Variants in RAPGEF2 observed in about 807,000 individuals in gnomAD.
The protein encoded by RAPGEF2 is Rap guanine nucleotide exchange factor 2.
Under a neutral mutation model 186.7 loss-of-function variants are expected in RAPGEF2, and 54 were observed. That is an observed-to-expected ratio of 0.29 (90% CI 0.23 to 0.36). RAPGEF2 has a LOEUF of 0.36. Among genes scored for constraint, RAPGEF2 ranks in the 10% least tolerant of loss-of-function variants. The pLI is 1.00. For missense variants in RAPGEF2, 1,532 were observed against 2,045.0 expected, an observed-to-expected ratio of 0.75 and a Z score of 4.84; for synonymous variants, 712 against 705.9, an observed-to-expected ratio of 1.01 and a Z score of -0.14.
At chr4:159,250,731 C>G (rs565381698) in intron 7 of RAPGEF2, among the ~76,000 whole-genome samples, 4 of 141,846 alleles carry the variant, frequency 2.8e-5, no homozygotes, top group Non-Finnish European at 6.0e-5. Flanking sequence ...AGTGCAGTGG[C>G]GTCATCTTGG....
intron 5 of RAPGEF2, among the ~76,000 whole-genome samples, chr4:159,240,807 GTTT>G (rs373635263): frequency 0.069 from 9,163 of 132,912 alleles, 660 homozygotes; most frequent in African/African-American, 0.24. Context: ...TTCCATCAGG[GTTT>G]TTTTTTTTTT....
At chr4:159,299,788 T>C (rs551733248) in intron 7 of RAPGEF2, among the ~76,000 whole-genome samples, 51 of 152,194 alleles carry the variant, frequency 3.4e-4, no homozygotes, top group African/African-American at 1.2e-3. Flanking sequence ...TCAGTGATTA[T>C]CAAATTCCTA....
rs75335016 is a variant in RAPGEF2, at chr4:159,252,747, G to C, written c.543+8956G>C. 5.4e-3 allele frequency among the ~76,000 whole-genome samples: 830 copies of C among 152,308 alleles called. 7 individuals are homozygous for C. Among genetic ancestry groups the C allele is most frequent in the Non-Finnish European group, 9.0e-3 (610 of 68,028 alleles). ...GCATTCTTTCACATCAGCTAAGAGA[G>C]GCCGATTGTTTTCTAGTTGCAGCAG... On this transcript the variant is annotated intron_variant, in intron 7 of 29. Coordinates refer to ENST00000691494, the MANE Select transcript of RAPGEF2 (RefSeq NM_001394067.2).
chr4:159,343,969 TG>T (rs1729912748), intron 22 of RAPGEF2, 66 bp from the exon 23 acceptor site: 2 of 1,488,548 alleles, frequency 1.3e-6, no homozygotes, highest in Non-Finnish European at 1.9e-6. Context: ...CCTTTCTTTC[TG>T]AGCTTGTGAT....
At chr4:159,280,363 A>G (rs367614389) in intron 7 of RAPGEF2, among the ~76,000 whole-genome samples, 1 of 152,366 alleles carries the variant, frequency 6.6e-6, no homozygotes. Flanking sequence ...GTATTAAGAT[A>G]TATTTTAACC....
intron 1 of RAPGEF2, among the ~76,000 whole-genome samples, chr4:159,159,170 A>C (rs1389511876): frequency 1.3e-5 from 2 of 152,162 alleles, no homozygotes; most frequent in Admixed American, 6.6e-5. Context: ...TGTGGTTTGC[A>C]GCGCCCGTCC....
chr4:159,161,477 G>C (rs1326763236), intron 1 of RAPGEF2, among the ~76,000 whole-genome samples: 1 of 152,218 alleles, frequency 6.6e-6, no homozygotes, highest in Non-Finnish European at 1.5e-5. Context: ...GGCCAAGGCA[G>C]GTGGATTGCC....
intron 28 of RAPGEF2, among the ~76,000 whole-genome samples, chr4:159,355,571 A>G (rs943884962): frequency 2.0e-5 from 3 of 152,176 alleles, no homozygotes; most frequent in Non-Finnish European, 4.4e-5. Context: ...GTTACAGACC[A>G]TTTTAAATGG....
intron 7 of RAPGEF2, among the ~76,000 whole-genome samples, chr4:159,295,601 A>G (rs984701170): frequency 6.6e-6 from 1 of 152,118 alleles, no homozygotes. Context: ...AAACATTTTC[A>G]ATGACACTTT....
intron 1 of RAPGEF2, among the ~76,000 whole-genome samples, chr4:159,181,575 CTTTTT>C (rs531646826): frequency 9.9e-5 from 12 of 121,368 alleles, no homozygotes; most frequent in Admixed American, 8.3e-5. Flanking sequence ...GGAAGACAGT[CTTTTT>C]TTTTTTTTTT....
chr4:159,341,552 T>C lies in RAPGEF2; in HGVS notation c.2535-12T>C. On this transcript the variant is annotated splice_polypyrimidine_tract_variant and intron_variant, in intron 19 of 29. Transcript: ENST00000691494. ...TTAGGCTTTGACTCTGATATGTTTC[T>C]GTTTTTCATAGGTATTATCTGAAAA... 3.8e-6 allele frequency: 6 copies of C among 1,564,100 alleles called. No individual in the cohort carries two copies. The highest frequency in any genetic ancestry group is 5.2e-6 in the Non-Finnish European group (6 of 1,159,706).
intron 1 of RAPGEF2, among the ~76,000 whole-genome samples, chr4:159,147,226 C>CA (rs769915618): frequency 6.6e-6 from 1 of 151,862 alleles, no homozygotes; most frequent in Non-Finnish European, 1.5e-5. Flanking sequence ...TTAAAAAACA[C>CA]AAAGAATTTT....
At chr4:159,284,536 G>A (rs910606830) in intron 7 of RAPGEF2, among the ~76,000 whole-genome samples, 9 of 127,856 alleles carry the variant, frequency 7.0e-5, no homozygotes, top group East Asian at 2.5e-4. Flanking sequence ...ACACACACAC[G>A]AATTGTAAAT....
chr4:159,310,642 TATCACTA>T (rs145867315), intron 8 of RAPGEF2, among the ~76,000 whole-genome samples: 29,036 of 151,952 alleles, frequency 0.19, 2,882 homozygotes, highest in Admixed American at 0.25. Context: ...TTTAAAAGAA[TATCACTA>T]TTTAAATATT....
In RAPGEF2 at chr4:159,320,434, A is replaced by G. The variant is rs1383499461; in HGVS notation, c.854-1913A>G. On this transcript the variant is annotated intron_variant, in intron 9 of 29. Transcript: ENST00000691494. Reference sequence around the variant, plus strand: ...TCATGAAACAGAACGTATTCTTTCTATAACTGATGTGCTTTGATAGTTTAA... The same window carrying G: ...TCATGAAACAGAACGTATTCTTTCTGTAACTGATGTGCTTTGATAGTTTAA... Among the ~76,000 whole-genome samples, 3 of 152,206 alleles carry G rather than the reference A, an allele frequency of 2.0e-5. No individual in the cohort carries two copies. In the East Asian group the frequency reaches 5.8e-4, roughly 29 times the overall value.
chr4:159,322,330 T>C lies in RAPGEF2; in HGVS notation c.854-17T>C, dbSNP rs767976070. ...TAAAAGTAGTAGTTTTTACAAAGTA[T>C]GTCTTTTGCTTTTCAGAACAACTCT... is the stretch of plus-strand genomic sequence containing the variant. On this transcript the variant is annotated splice_polypyrimidine_tract_variant and intron_variant, in intron 9 of 29. Transcript: ENST00000691494. 2 of 1,611,128 alleles carry C rather than the reference T, an allele frequency of 1.2e-6. No individual in the cohort carries two copies. Among genetic ancestry groups the C allele is most frequent in the Non-Finnish European group, 1.7e-6 (2 of 1,177,648 alleles).
chr4:159,145,800 C>G (rs1742899240), intron 1 of RAPGEF2, among the ~76,000 whole-genome samples: 1 of 152,190 alleles, frequency 6.6e-6, no homozygotes, highest in Non-Finnish European at 1.5e-5. Context: ...CTGAGCAGAT[C>G]TAAGCCATCA....
intron 3 of RAPGEF2, among the ~76,000 whole-genome samples, chr4:159,194,228 C>A (rs1748397200): frequency 6.6e-6 from 1 of 152,080 alleles, no homozygotes; most frequent in African/African-American, 2.4e-5. Context: ...AACATCATAG[C>A]AAGTTTAGTG....
intron 1 of RAPGEF2, among the ~76,000 whole-genome samples, chr4:159,185,621 C>G (rs1330657626): frequency 6.6e-6 from 1 of 152,102 alleles, no homozygotes; most frequent in Non-Finnish European, 1.5e-5. Flanking sequence ...AATAGGCAAA[C>G]TCATAGAAAC....
Sources: gnomAD v4.1 joint callset for allele counts (sites outside exome capture counted in the v4.1 genomes callset) on GRCh38, gnomAD v4.1.1 for gene constraint, MANE v1.5 for transcripts, NCBI Gene and HGNC (gene_info 2026-07-23, HGNC 2026-07-21) for gene names.